Variants in MKLN1 observed in about 807,000 individuals in gnomAD.
MKLN1 encodes the protein muskelin.
Under a neutral mutation model 99.0 loss-of-function variants are expected in MKLN1, and 18 were observed. The ratio of observed to expected loss-of-function variants is 0.18; its 90% CI spans 0.13 to 0.27. MKLN1 has a LOEUF of 0.27. Ranked by LOEUF, MKLN1 falls within the 10% of genes least tolerant of loss-of-function variation. MKLN1 has a pLI of 1.00. For synonymous variants in MKLN1, 288 were observed against 293.2 expected (o/e 0.98, Z 0.18); for missense variants, 621 against 875.9 (o/e 0.71, Z 3.67).
intron 3 of MKLN1, among the ~76,000 whole-genome samples, chr7:131,229,773 C>T (rs1034746508): frequency 1.3e-5 from 2 of 151,968 alleles, no homozygotes; most frequent in Admixed American, 6.6e-5. Context: ...GGGCTGGTGT[C>T]GAACTCCTGG....
At chr7:131,324,885 CATAAT>C (rs1798853282), upstream of MKLN1, among the ~76,000 whole-genome samples, 2 of 152,126 alleles carry the variant, frequency 1.3e-5, no homozygotes, top group African/African-American at 4.8e-5. Flanking sequence ...GTCTTGGTAT[CATAAT>C]ATAGCTGTCT....
intron 3 of MKLN1, among the ~76,000 whole-genome samples, chr7:131,298,421 G>A (rs1256124976): frequency 6.6e-6 from 1 of 152,214 alleles, no homozygotes; most frequent in East Asian, 1.9e-4. Context: ...TAATCTGAGA[G>A]GACAGCCTCT....
intron 3 of MKLN1, among the ~76,000 whole-genome samples, chr7:131,315,925 C>G (rs560265224): frequency 6.6e-6 from 1 of 152,342 alleles, no homozygotes; most frequent in East Asian, 1.9e-4. Context: ...ACTCTCACCT[C>G]CCTGGGACAG....
intron 1 of MKLN1, among the ~76,000 whole-genome samples, chr7:131,133,349 C>T (rs1395783020): frequency 1.5e-4 from 19 of 123,134 alleles, no homozygotes; most frequent in East Asian, 2.5e-4. Flanking sequence ...TTCTTTCTTT[C>T]TTTCTTTTTT....
chr7:131,317,274 A>C (rs1365340312), intron 3 of MKLN1, among the ~76,000 whole-genome samples: 2 of 152,228 alleles, frequency 1.3e-5, no homozygotes, highest in Non-Finnish European at 2.9e-5. Flanking sequence ...AAACCCTACA[A>C]GCCAGAAGAG....
chr7:131,333,176 G>T (rs1358542948), intron 1 of MKLN1, among the ~76,000 whole-genome samples: 1 of 152,030 alleles, frequency 6.6e-6, no homozygotes, highest in Non-Finnish European at 1.5e-5. Context: ...CACTTGCTTT[G>T]GCCTCCCTAA....
At chr7:131,448,864 GT>G (rs1195252550) in intron 12 of MKLN1, among the ~76,000 whole-genome samples, 7 of 152,136 alleles carry the variant, frequency 4.6e-5, no homozygotes, top group African/African-American at 1.7e-4. Flanking sequence ...ATCTAAGTTT[GT>G]CCCTCTCCCT....
intron 1 of MKLN1, among the ~76,000 whole-genome samples, chr7:131,139,552 C>T (rs1252228933): frequency 6.6e-6 from 1 of 152,160 alleles, no homozygotes; most frequent in Non-Finnish European, 1.5e-5. Flanking sequence ...CTGTTTGTTC[C>T]AGACTCCAAG....
Position 131,470,950 on chromosome 7 carries a change from G to A in MKLN1, c.2031+6G>A, listed in dbSNP as rs1796803367. 1.3e-6 allele frequency: 2 copies of A among 1,549,478 alleles called. No individual in the cohort carries two copies. Among genetic ancestry groups the A allele is most frequent in the Admixed American group, 1.8e-5 (1 of 55,094 alleles). On this transcript the variant is annotated splice_donor_region_variant and intron_variant, in intron 16 of 17. Coordinates refer to ENST00000352689, the MANE Select transcript of MKLN1 (RefSeq NM_013255.5). ...ACCCAGAAGAGACAAAAGAGGTAAA[G>A]AAAGGTGGTAATAAATTTCAGAAAT... is the stretch of plus-strand genomic sequence containing the variant.
At chr7:131,349,941 T>C (rs181029499) in intron 1 of MKLN1, among the ~76,000 whole-genome samples, 262 of 152,288 alleles carry the variant, frequency 1.7e-3, no homozygotes, top group Non-Finnish European at 2.8e-3. Flanking sequence ...CAAAGTGTTT[T>C]GAATCCTTAG....
At chr7:131,431,614 C>T (rs892744277) in intron 9 of MKLN1, among the ~76,000 whole-genome samples, 3 of 152,130 alleles carry the variant, frequency 2.0e-5, no homozygotes, top group Non-Finnish European at 4.4e-5. Context: ...CAATTTTTTT[C>T]TTGCCCTGAT....
At chr7:131,118,743 G>C (rs1795316403) in intron 1 of MKLN1, among the ~76,000 whole-genome samples, 1 of 152,184 alleles carries the variant, frequency 6.6e-6, no homozygotes, top group African/African-American at 2.4e-5. Flanking sequence ...CAGCACAGAA[G>C]AAAGAGAATG....
rs1311556077 is a variant in MKLN1, at chr7:131,397,098, C to G, written c.401-169C>G. On this transcript the variant is annotated intron_variant, in intron 4 of 17. Transcript: ENST00000352689. ...GAAATCTTATGGTGGCATGGGTCATCTGTTTCGTTTTACTGTTGTAGCCTT... is the reference window on the plus strand; with the variant it reads ...GAAATCTTATGGTGGCATGGGTCATGTGTTTCGTTTTACTGTTGTAGCCTT... Among the ~76,000 whole-genome samples, 3 of 152,270 alleles carry G rather than the reference C, an allele frequency of 2.0e-5. No homozygotes were observed. The East Asian group carries it at 5.8e-4, about 29-fold the overall frequency.
chr7:131,388,566 A>G (rs1794100741), intron 3 of MKLN1, among the ~76,000 whole-genome samples: 1 of 152,182 alleles, frequency 6.6e-6, no homozygotes, highest in African/African-American at 2.4e-5. Flanking sequence ...ACCGTTGAAA[A>G]TTTTATGTTA....
chr7:131,116,193 A>C (rs1049635267), intron 1 of MKLN1, among the ~76,000 whole-genome samples: 19 of 151,870 alleles, frequency 1.3e-4, no homozygotes, highest in African/African-American at 4.6e-4. Flanking sequence ...TAATGAATAT[A>C]TATATATATT....
intron 10 of MKLN1, 60 bp downstream of exon 10, chr7:131,438,057 A>G: frequency 7.6e-7 from 1 of 1,308,610 alleles, no homozygotes; most frequent in Admixed American, 1.7e-5. Flanking sequence ...TCTTGCAATT[A>G]GAGTTTATGT....
intron 1 of MKLN1, among the ~76,000 whole-genome samples, chr7:131,116,919 G>A (rs888692275): frequency 4.6e-5 from 7 of 152,082 alleles, no homozygotes; most frequent in Admixed American, 2.6e-4. Context: ...GTGAAAGTGG[G>A]TATCACGTCT....
At chr7:131,244,004 C>A in intron 3 of MKLN1, among the ~76,000 whole-genome samples, 1 of 152,014 alleles carries the variant, frequency 6.6e-6, no homozygotes, top group East Asian at 1.9e-4. Context: ...CAGAGCAAAA[C>A]CCTGTCTCAA....
At chr7:131,198,672 A>G (rs924503300) in intron 2 of MKLN1, among the ~76,000 whole-genome samples, 6 of 152,236 alleles carry the variant, frequency 3.9e-5, no homozygotes, top group Non-Finnish European at 7.3e-5. Context: ...TTACTTAGCT[A>G]ATAGAAAAGG....
Sources: allele counts gnomAD v4.1 joint callset (sites outside exome capture counted in the v4.1 genomes callset), GRCh38; gene constraint gnomAD v4.1.1; transcripts MANE v1.5; gene names NCBI Gene and HGNC (gene_info 2026-07-23, HGNC 2026-07-21).